Variants in PCDH11X observed in about 807,000 individuals in gnomAD.
The protein encoded by PCDH11X is protocadherin-11 X-linked.
Under a neutral mutation model 53.3 loss-of-function variants are expected in PCDH11X, and 18 were observed. That is an observed-to-expected ratio of 0.34 (90% CI 0.23 to 0.50). The LOEUF (loss-of-function observed/expected upper bound fraction) is 0.50, where lower values mean the gene tolerates loss of function less well. Among genes scored for constraint, PCDH11X ranks in the 20% least tolerant of loss-of-function variants. The pLI, the probability that PCDH11X is intolerant of heterozygous loss-of-function variation, is 0.98. For missense variants in PCDH11X, 570 were observed against 1,032.4 expected (o/e 0.55, Z 6.14); for synonymous variants, 279 against 393.3 (o/e 0.71, Z 3.44).
At chrX:92,611,129 T>C (rs1927329701) in intron 10 of PCDH11X, among the ~76,000 whole-genome samples, 1 of 110,377 alleles carries the variant, frequency 9.1e-6, no homozygotes, top group South Asian at 3.8e-4. Context: ...TTTTTTCAAA[T>C]TCTGGAAAAA....
intron 7 of PCDH11X, among the ~76,000 whole-genome samples, chrX:92,256,654 T>C (rs904555389): frequency 9.0e-6 from 1 of 111,520 alleles, no homozygotes; most frequent in Non-Finnish European, 1.9e-5. Context: ...GATCATCTCA[T>C]TACCTAAATA....
chrX:92,295,743 G>GTGTGTGTT (rs1288476791), intron 8 of PCDH11X, among the ~76,000 whole-genome samples: 1 of 11,785 alleles, frequency 8.5e-5, no homozygotes, highest in African/African-American at 3.3e-4. Context: ...GTGTGTTTGT[G>GTGTGTGTT]TGTGTGTGTG....
At chrX:92,190,119 A>T (rs1603142479) in intron 6 of PCDH11X, among the ~76,000 whole-genome samples, 1 of 111,649 alleles carries the variant, frequency 9.0e-6, no homozygotes, top group Admixed American at 9.6e-5. Context: ...TGGTGTTTTC[A>T]TCATGAAATC....
At chrX:91,829,333 G>A (rs28661685) in intron 4 of PCDH11X, among the ~76,000 whole-genome samples, 11,958 of 106,521 alleles carry the variant, frequency 0.11, 1,878 homozygotes, top group African/African-American at 0.39. Flanking sequence ...AGTGACTAAT[G>A]GAAGTACTAC....
chrX:92,258,683 T>C (rs772117533), intron 7 of PCDH11X, among the ~76,000 whole-genome samples: 2 of 112,257 alleles, frequency 1.8e-5, no homozygotes, highest in South Asian at 7.4e-4. Flanking sequence ...TGCAAATTTC[T>C]ACAACCAGCT....
At chrX:92,266,144 A>G (rs1196322756) in intron 8 of PCDH11X, among the ~76,000 whole-genome samples, 5 of 112,010 alleles carry the variant, frequency 4.5e-5, no homozygotes, top group East Asian at 2.8e-4. Context: ...TCAAGAAGCT[A>G]TAAACTTTAA....
At chrX:91,941,188 A>G (rs1224644936) in intron 6 of PCDH11X, among the ~76,000 whole-genome samples, 3 of 111,134 alleles carry the variant, frequency 2.7e-5, no homozygotes, top group African/African-American at 9.8e-5. Flanking sequence ...ATAGCAAGAA[A>G]ACGGGAAAGA....
chrX:92,023,203 C>T (rs2062915279), intron 6 of PCDH11X, among the ~76,000 whole-genome samples: 1 of 107,725 alleles, frequency 9.3e-6, no homozygotes, highest in Non-Finnish European at 1.9e-5. Flanking sequence ...CACAACAATC[C>T]CTCCAAAACA....
chrX:92,161,236 G>A (rs1175213077), intron 6 of PCDH11X, among the ~76,000 whole-genome samples: 1 of 111,357 alleles, frequency 9.0e-6, no homozygotes, highest in Non-Finnish European at 1.9e-5. Context: ...CTCAGCATTT[G>A]TTTGTCTGAA....
intron 8 of PCDH11X, among the ~76,000 whole-genome samples, chrX:92,279,031 G>C (rs902685969): frequency 9.1e-6 from 1 of 110,352 alleles, no homozygotes; most frequent in Non-Finnish European, 1.9e-5. Context: ...GGCTGGTCTC[G>C]AACTCCCGAC....
chrX:92,493,558 A>G (rs1474402240), intron 10 of PCDH11X, among the ~76,000 whole-genome samples: 1 of 109,985 alleles, frequency 9.1e-6, no homozygotes, highest in Non-Finnish European at 1.9e-5. Context: ...CAAAGTTATG[A>G]GAAGCTTTCA....
chrX:92,082,314 C>T (rs2063871325), intron 6 of PCDH11X, among the ~76,000 whole-genome samples: 2 of 106,964 alleles, frequency 1.9e-5, no homozygotes, highest in African/African-American at 3.4e-5. Context: ...ACAGATTAAA[C>T]CATCACTTTC....
Position 92,387,926 on chromosome X carries a change from T to G in PCDH11X, c.3336T>G (p.Pro1112=), listed in dbSNP as rs766718347. Reference sequence around the variant, plus strand: ...CTGAAGGGGATGGCAACTCCGATCCTGAATCTAGTAAGTGATACCTCTCTG... The same window carrying G: ...CTGAAGGGGATGGCAACTCCGATCCGGAATCTAGTAAGTGATACCTCTCTG... ...NRTEGDGNSD[P]ESTFIPGLKK... The change falls in exon 9 of 11, where the codon CCT becomes CCG. Residue 1112 remains proline, a synonymous_variant. Coordinates refer to ENST00000682573, the MANE Select transcript of PCDH11X (RefSeq NM_032968.5). 7.5e-6 allele frequency: 9 copies of G among 1,207,480 alleles called. No homozygotes were observed.
intron 6 of PCDH11X, among the ~76,000 whole-genome samples, chrX:92,176,108 A>T (rs5941046): frequency 2.7e-5 from 3 of 109,596 alleles, no homozygotes; most frequent in African/African-American, 6.6e-5. Context: ...AATGAAGCAG[A>T]GTGAACGAGA....
intron 9 of PCDH11X, among the ~76,000 whole-genome samples, chrX:92,422,153 A>T (rs868447806): frequency 7.6e-4 from 66 of 86,295 alleles, no homozygotes; most frequent in African/African-American, 1.2e-3. Flanking sequence ...TTTTTTTTTT[A>T]AATTTTATTT....
intron 6 of PCDH11X, among the ~76,000 whole-genome samples, chrX:92,108,910 A>G (rs1057363552): frequency 8.9e-6 from 1 of 111,763 alleles, no homozygotes; most frequent in Non-Finnish European, 1.9e-5. Context: ...GTAATACTGT[A>G]ACCGCCCAAC....
intron 6 of PCDH11X, among the ~76,000 whole-genome samples, chrX:92,139,596 C>T (rs909372444): frequency 4.5e-5 from 5 of 110,337 alleles, no homozygotes; most frequent in East Asian, 2.9e-4. Flanking sequence ...AGTAGCTGCA[C>T]GTAAATGTAC....
rs1213813705 is a variant in PCDH11X at position 92,355,817 on chromosome X, C to T, written c.3145-31918C>T. On this transcript the variant is annotated intron_variant, in intron 8 of 10. Coordinates refer to ENST00000682573, the MANE Select transcript of PCDH11X (RefSeq NM_032968.5). ...AGCTTCATGTTGCAATATAGTTTTG[C>T]ACATTTGTGACTGATCACTGCAATC... Among the ~76,000 whole-genome samples the T allele has an allele frequency of 2.7e-5, 3 of 109,232 alleles. No individual in the cohort carries two copies. In the Admixed American group the frequency reaches 3.0e-4, roughly 11 times the overall value. The allele number at this position is 109,232 out of a possible 115,157, so 94.9% of individuals were successfully genotyped here.
At position 92,252,665 on chromosome X, in the gene PCDH11X, A is replaced by AT. The variant is rs951610187; in HGVS notation, c.3115-10439dup. 3.8e-3 allele frequency among the ~76,000 whole-genome samples: 418 copies of AT among 108,805 alleles called. 6 individuals carry two copies. In the Middle Eastern group the frequency reaches 0.043, roughly 11 times the overall value. 94.5% of individuals were successfully genotyped at this position (108,805 alleles called of 115,157 possible). On this transcript the variant is annotated intron_variant, in intron 7 of 10. Transcript: ENST00000682573. ...TTCAGTGAATAAATATTTAGGAATG[A>AT]TTTTTTTTTTAAATTGGATGAGATT... is the stretch of plus-strand genomic sequence containing the variant.
Sources: allele counts gnomAD v4.1 joint callset (sites outside exome capture counted in the v4.1 genomes callset), GRCh38; gene constraint gnomAD v4.1.1; transcripts MANE v1.5; gene names NCBI Gene and HGNC (gene_info 2026-07-23, HGNC 2026-07-21).